The following KIAA1549L variants were observed in gnomAD, a reference collection of about 807,000 sequenced individuals.
KIAA1549L encodes UPF0606 protein KIAA1549L.
KIAA1549L carries 88 observed loss-of-function variants against 160.7 expected under a neutral mutation model. The observed-to-expected ratio is 0.55, with a 90% CI of 0.46 to 0.65. The LOEUF is 0.65. Among genes scored for constraint, KIAA1549L ranks in the 30% least tolerant of loss-of-function variants. The pLI is 0.00. For missense variants in KIAA1549L, 2,258 were observed against 2,437.5 expected, an observed-to-expected ratio of 0.93 and a Z score of 1.55; for synonymous variants, 950 against 976.7, an observed-to-expected ratio of 0.97 and a Z score of 0.51.
chr11:33,420,141 A>T (rs1441498466), intron 1 of KIAA1549L, among the ~76,000 whole-genome samples: 2 of 150,856 alleles, frequency 1.3e-5, no homozygotes, highest in Non-Finnish European at 3.0e-5. Flanking sequence ...TCATTTTATG[A>T]TCTTGTGCAC....
chr11:33,582,878 A>G (rs1855688244), intron 10 of KIAA1549L, among the ~76,000 whole-genome samples: 1 of 151,754 alleles, frequency 6.6e-6, no homozygotes, highest in Non-Finnish European at 1.5e-5. Flanking sequence ...CTCGTTGCTC[A>G]CTCTCAGGGT....
At chr11:33,420,243 T>TTTTGTTTTGTTTTGTTTTG (rs1850982844) in intron 1 of KIAA1549L, among the ~76,000 whole-genome samples, 1 of 133,228 alleles carries the variant, frequency 7.5e-6, no homozygotes, top group Non-Finnish European at 1.7e-5. Context: ...TTGTTTTTTT[T>TTTTGTTTTGTTTTGTTTTG]TTTTTTTTGA....
intron 1 of KIAA1549L, among the ~76,000 whole-genome samples, chr11:33,447,409 C>T (rs907398343): frequency 6.6e-6 from 1 of 152,036 alleles, no homozygotes. Flanking sequence ...TTTCATACTC[C>T]TTAAGGATTT....
intron 1 of KIAA1549L, among the ~76,000 whole-genome samples, chr11:33,443,916 C>T (rs1342496130): frequency 1.3e-5 from 2 of 152,308 alleles, no homozygotes; most frequent in East Asian, 1.9e-4. Flanking sequence ...GTGAGCTCTA[C>T]AAAGGCTCTA....
rs769643171 is a variant in KIAA1549L, at chr11:33,591,383, C to T, written c.4713C>T (p.Ser1571=). ...AAAGAGACGTCGCTCAGGATGGAAG[C>T]ACCATCAAGACCGCCAAATCCACTG... is the stretch of plus-strand genomic sequence containing the variant. ...PQERDVAQDG[S]TIKTAKSTET... The change falls in exon 12 of 21, where the codon AGC becomes AGT. Residue 1571 remains serine (S), a synonymous_variant. Coordinates refer to ENST00000658780, the MANE Select transcript of KIAA1549L (RefSeq NM_012194.3). The T allele has an allele frequency of 5.4e-5, 87 of 1,611,390 alleles. No individual in the cohort carries two copies. The highest frequency in any genetic ancestry group is 1.0e-4 in the Admixed American group (6 of 59,852).
At position 33,426,001 on chromosome 11, in the gene KIAA1549L, G is replaced by A. The variant is rs117253625; in HGVS notation, c.238+49112G>A. 2.8e-4 allele frequency among the ~76,000 whole-genome samples: 43 copies of A among 152,314 alleles called. 1 individual carries two copies. In the East Asian group the frequency reaches 8.3e-3, roughly 29 times the overall value. On this transcript the variant is annotated intron_variant, in intron 1 of 20. Coordinates refer to ENST00000658780, the MANE Select transcript of KIAA1549L (RefSeq NM_012194.3). ...AGGTCATGAAAGACAAAGAAAGACT[G>A]AGGAACTGTCACAGATTGGTGGAGG...
chr11:33,598,975 C>G (rs1564917768), intron 13 of KIAA1549L, 28 bp downstream of exon 13: 1 of 1,611,038 alleles, frequency 6.2e-7, no homozygotes, highest in Non-Finnish European at 8.5e-7. Flanking sequence ...CAAGAACCAC[C>G]CCCAGCTGCT....
chr11:33,485,568 T>C (rs1030317140), intron 1 of KIAA1549L, among the ~76,000 whole-genome samples: 1 of 152,242 alleles, frequency 6.6e-6, no homozygotes, highest in Non-Finnish European at 1.5e-5. Context: ...ATGATGATTA[T>C]GTATACATTG....
Position 33,542,438 on chromosome 11 carries a change from T to A in KIAA1549L, c.875T>A (p.Ile292Asn), listed in dbSNP as rs1854050635. The A allele has an allele frequency of 6.3e-7, 1 of 1,596,656 alleles. No individual in the cohort carries two copies. Among genetic ancestry groups the A allele is most frequent in the African/African-American group, 1.3e-5 (1 of 74,678 alleles). ...GGTCAGAACATAGCTAATCCCTTAA[T>A]CCCATTTTCTGATGAAATGGACCAC... Reference protein sequence around the residue: ...SLGQNIANPLIPFSDEMDHTA... With the variant: ...SLGQNIANPLNPFSDEMDHTA... The change falls in exon 2 of 21, where the codon ATC becomes AAC. Residue 292 changes from isoleucine to asparagine, a missense_variant. Ile to Asn is a moderately radical substitution (Grantham distance 149). This residue lies in a region of KIAA1549L where 540 missense variants were observed against 465.7 expected (regional missense o/e 1.16). Coordinates refer to ENST00000658780, the MANE Select transcript of KIAA1549L (RefSeq NM_012194.3).
At chr11:33,513,136 C>T (rs1313472794) in intron 1 of KIAA1549L, among the ~76,000 whole-genome samples, 2 of 152,174 alleles carry the variant, frequency 1.3e-5, no homozygotes, top group African/African-American at 4.8e-5. Context: ...GGGAAGCTTT[C>T]CTTTTGGCCT....
At chr11:33,532,796 T>C (rs1281719099) in intron 1 of KIAA1549L, among the ~76,000 whole-genome samples, 3 of 152,206 alleles carry the variant, frequency 2.0e-5, no homozygotes, top group Admixed American at 6.5e-5. Flanking sequence ...AACCTGCCAG[T>C]GGGCAGTGAA....
intron 1 of KIAA1549L, among the ~76,000 whole-genome samples, chr11:33,459,977 A>AAAAAAAAAAG (rs1851909455): frequency 2.0e-5 from 3 of 149,088 alleles, no homozygotes; most frequent in Admixed American, 2.0e-4. Context: ...AAAAAAAAAA[A>AAAAAAAAAAG]GAAATAGCCT....
At chr11:33,410,691 C>T (rs1250861099) in intron 1 of KIAA1549L, among the ~76,000 whole-genome samples, 1 of 152,100 alleles carries the variant, frequency 6.6e-6, no homozygotes, top group Admixed American at 6.5e-5. Context: ...GCATGGAACA[C>T]GGATGGGCAT....
At chr11:33,635,223 G>A (rs1361814463) in intron 16 of KIAA1549L, among the ~76,000 whole-genome samples, 1 of 152,176 alleles carries the variant, frequency 6.6e-6, no homozygotes, top group African/African-American at 2.4e-5. Flanking sequence ...ACTTGCAGTG[G>A]GCAGAGGAGG....
intron 16 of KIAA1549L, among the ~76,000 whole-genome samples, chr11:33,633,007 T>C (rs1851339998): frequency 6.6e-6 from 1 of 150,880 alleles, no homozygotes. Context: ...CAGAGTTTCA[T>C]TCTTGTTGCC....
intron 1 of KIAA1549L, among the ~76,000 whole-genome samples, chr11:33,407,081 A>ATTTTT (rs750670251): frequency 0.019 from 1,896 of 100,082 alleles, 166 homozygotes; most frequent in South Asian, 0.14. Flanking sequence ...TTCTTTTTTC[A>ATTTTT]TTTTTTTTTT....
intron 1 of KIAA1549L, among the ~76,000 whole-genome samples, chr11:33,436,302 A>G (rs1851380321): frequency 6.6e-6 from 1 of 152,244 alleles, no homozygotes; most frequent in South Asian, 2.1e-4. Context: ...GAGAAGCCCA[A>G]GATCAGCAAT....
chr11:33,423,385 A>G (rs2134107776), intron 1 of KIAA1549L, among the ~76,000 whole-genome samples: 1 of 152,376 alleles, frequency 6.6e-6, no homozygotes, highest in Non-Finnish European at 1.5e-5. Context: ...AATGCCTCAT[A>G]GAAATCAGCA....
rs200929306 is a variant in KIAA1549L, at chr11:33,644,320, G to A, written c.5410-1366G>A. On this transcript the variant is annotated intron_variant, in intron 16 of 20. Transcript: ENST00000658780. ...GCATGTATTAATTTAATGCTAAAAA[G>A]GTAAATATACTTTTTAAAATGAAGT... 1.9e-4 allele frequency among the ~76,000 whole-genome samples: 29 copies of A among 152,158 alleles called. No individual in the cohort carries two copies. In the East Asian group the frequency reaches 5.0e-3, roughly 26 times the overall value.
Sources: gnomAD v4.1 joint callset for allele counts (sites outside exome capture counted in the v4.1 genomes callset) on GRCh38, gnomAD v4.1.1 for gene constraint, gnomAD v4.1.1 regional missense constraint, MANE v1.5 for transcripts, NCBI Gene and HGNC (gene_info 2026-07-23, HGNC 2026-07-21) for gene names.